Variants in PLA2G4C observed in about 807,000 individuals in gnomAD.
PLA2G4C encodes cytosolic phospholipase A2 gamma.
Under a neutral mutation model 73.8 loss-of-function variants are expected in PLA2G4C, and 64 were observed. The ratio of observed to expected loss-of-function variants is 0.87; its 90% confidence interval spans 0.71 to 1.07. The LOEUF (loss-of-function observed/expected upper bound fraction) is 1.07, where lower values mean the gene tolerates loss of function less well. Ranked by LOEUF, PLA2G4C falls within the 50% of genes least tolerant of loss-of-function variation. The probability of loss-of-function intolerance (pLI) is 0.00; values close to 1 mark genes in which losing one functional copy is unlikely to be tolerated. For synonymous variants in PLA2G4C, 254 were observed against 252.1 expected (o/e 1.01, Z -0.07); for missense variants, 622 against 665.4 (o/e 0.93, Z 0.72).
At chr19:48,105,928 TC>T (rs1568457479) in intron 2 of PLA2G4C, among the ~76,000 whole-genome samples, 7 of 26,260 alleles carry the variant, frequency 2.7e-4, no homozygotes, top group African/African-American at 5.5e-4. Flanking sequence ...CCTCCCTCCC[TC>T]CCTCCCTCCC....
At position 48,055,014 on chromosome 19, in the gene PLA2G4C, G is replaced by T; in HGVS notation, c.1293C>A (p.His431Gln). The T allele has an allele frequency of 1.9e-6, 3 of 1,613,020 alleles. No individual in the cohort carries two copies. The highest frequency in any genetic ancestry group is 2.5e-6 in the Non-Finnish European group (3 of 1,179,730). The change falls in exon 15 of 17, where the codon CAC becomes CAA. Residue 431 changes from histidine to glutamine, a missense_variant. By Grantham distance (24) the His-to-Gln change is conservative (BLOSUM62 0). Transcript: ENST00000599921. The stretch of plus-strand genomic sequence containing the variant: ...CTTCTACTTGGGGAAAGGGGATCTT[G>T]TGGCGGCGGCAGTAGTCAGTGGTAG... ...IRATTDYCRR[H>Q]KIPFPQVEEA...
In PLA2G4C at chr19:48,078,921, G is replaced by A. The variant is rs1276358003; in HGVS notation, c.845-1097C>T. ...GTCTCGCTCTGTTGCCCAGGCTGGAGTGCAATGGCCAATTTTGGCTCACTG... is the reference window on the plus strand; with the variant it reads ...GTCTCGCTCTGTTGCCCAGGCTGGAATGCAATGGCCAATTTTGGCTCACTG... On this transcript the variant is annotated intron_variant, in intron 10 of 16. Transcript: ENST00000599921. Among the ~76,000 whole-genome samples, 3 of 149,362 alleles carry A rather than the reference G, an allele frequency of 2.0e-5. No individual in the cohort carries two copies. The Admixed American group carries it at 2.0e-4, about 10-fold the overall frequency.
intron 10 of PLA2G4C, among the ~76,000 whole-genome samples, chr19:48,084,079 T>A (rs182731687): frequency 0.028 from 4,158 of 146,034 alleles, 156 homozygotes; most frequent in African/African-American, 0.089. Flanking sequence ...TGTGTGTGTG[T>A]GATGGAGTCT....
At chr19:48,084,738 C>T (rs185620247) in intron 10 of PLA2G4C, among the ~76,000 whole-genome samples, 50 of 152,304 alleles carry the variant, frequency 3.3e-4, no homozygotes, top group Admixed American at 6.5e-5. Flanking sequence ...TCATTTAATC[C>T]TCATAACTAC....
At chr19:48,051,652 A>G (rs1967730149) in intron 16 of PLA2G4C, 1 of 151,982 alleles carries the variant, frequency 6.6e-6, no homozygotes, top group Non-Finnish European at 1.5e-5. Flanking sequence ...AGAACAGCAT[A>G]AGGGAAGCCA....
rs1005952267 is a variant in PLA2G4C at position 48,089,873 on chromosome 19, G to A, written c.763+491C>T. On this transcript the variant is annotated intron_variant, in intron 8 of 16. Transcript: ENST00000599921. ...CTGACCAGCAGTGTGGGTGAGTCAC[G>A]CATCCTTCCCACGACTTGGTGGATC... Among the ~76,000 whole-genome samples, 3 of 152,110 alleles carry A rather than the reference G, an allele frequency of 2.0e-5. No individual in the cohort carries two copies. In the East Asian group the frequency reaches 5.8e-4, roughly 29 times the overall value.
At position 48,106,504 on chromosome 19, in the gene PLA2G4C, A is replaced by G. The variant is rs550714121; in HGVS notation, c.8+18T>C. ...AATGCTCTGCTTCCCCATAGTGGTC[A>G]GCTCTAAGAGGACTTACCTTCCCAT... On this transcript the variant is annotated intron_variant, in intron 2 of 16. Coordinates refer to ENST00000599921, the MANE Select transcript of PLA2G4C (RefSeq NM_003706.3). 2 of 1,591,768 alleles carry G rather than the reference A, an allele frequency of 1.3e-6. No individual in the cohort carries two copies. The highest frequency in any genetic ancestry group is 2.2e-5 in the South Asian group (2 of 90,604).
At chr19:48,082,549 A>G (rs1398807087) in intron 10 of PLA2G4C, among the ~76,000 whole-genome samples, 8 of 120,236 alleles carry the variant, frequency 6.7e-5, no homozygotes, top group African/African-American at 2.6e-4. Context: ...CCCAGCCTGG[A>G]GTATAGTGGT....
intron 10 of PLA2G4C, among the ~76,000 whole-genome samples, chr19:48,079,416 G>T (rs964680586): frequency 2.0e-5 from 3 of 152,060 alleles, no homozygotes; most frequent in Non-Finnish European, 4.4e-5. Context: ...AACATAAAGT[G>T]GGGGAAAGGA....
At chr19:48,090,784 C>A (rs393412) in intron 7 of PLA2G4C, among the ~76,000 whole-genome samples, 14,154 of 152,114 alleles carry the variant, frequency 0.093, 1,408 homozygotes, top group African/African-American at 0.25. Flanking sequence ...AGCTAGGGGA[C>A]GGTCAAGCTC....
intron 4 of PLA2G4C, among the ~76,000 whole-genome samples, chr19:48,103,797 T>C (rs2032031904): frequency 6.6e-6 from 1 of 152,190 alleles, no homozygotes; most frequent in African/African-American, 2.4e-5. Flanking sequence ...CAGAAGGTAG[T>C]ATTATTATGC....
chr19:48,107,178 G>C (rs547121372), intron 1 of PLA2G4C, among the ~76,000 whole-genome samples: 1 of 147,660 alleles, frequency 6.8e-6, no homozygotes, highest in African/African-American at 2.6e-5. Flanking sequence ...ACTTTGGTGG[G>C]CAAGGGGCTG....
At chr19:48,075,647 G>A (rs1051266871) in intron 11 of PLA2G4C, among the ~76,000 whole-genome samples, 5 of 152,194 alleles carry the variant, frequency 3.3e-5, no homozygotes, top group East Asian at 3.9e-4. Context: ...AACCTTCACC[G>A]CATTCCTTGG....
chr19:48,085,205 T>C (rs2030904822), intron 9 of PLA2G4C, 93 bp from the exon 10 acceptor site: 4 of 806,146 alleles, frequency 5.0e-6, no homozygotes, highest in Non-Finnish European at 8.6e-6. Flanking sequence ...CATAAAGCAC[T>C]GCAGGGATCT....
chr19:48,061,788 C>G (rs769963810), intron 14 of PLA2G4C: 1 of 567,398 alleles, frequency 1.8e-6, no homozygotes, highest in Non-Finnish European at 3.2e-6. Context: ...CCGGGAAGGT[C>G]TGGGATGGCT....
At chr19:48,109,330 G>C (rs1384750661) in intron 1 of PLA2G4C, among the ~76,000 whole-genome samples, 3 of 152,010 alleles carry the variant, frequency 2.0e-5, no homozygotes, top group Non-Finnish European at 4.4e-5. Context: ...GGAGTGCAGT[G>C]GTGTGATCGT....
intron 13 of PLA2G4C, among the ~76,000 whole-genome samples, chr19:48,066,390 T>C (rs1193390203): frequency 6.6e-6 from 1 of 152,126 alleles, no homozygotes; most frequent in Non-Finnish European, 1.5e-5. Flanking sequence ...CATGATCCAG[T>C]GACTTGATGC....
In PLA2G4C at chr19:48,053,058, C is replaced by G; in HGVS notation, c.1519G>C (p.Ala507Pro). ...TTGTTTTCCCTGACATTCTTCTTGG[C>G]TAATGCCAAGAGTAGCACCACCACA... ...LDVVVLLLALAKKNVRENKKK... is the reference protein window; with the variant it reads ...LDVVVLLLALPKKNVRENKKK... The change falls in exon 16 of 17, where the codon GCC (alanine) becomes CCC (proline). Residue 507 changes from alanine to proline, a missense_variant. By Grantham distance (27) the Ala-to-Pro change is conservative. Coordinates refer to ENST00000599921, the MANE Select transcript of PLA2G4C (RefSeq NM_003706.3). 6.2e-7 allele frequency: 1 copy of G among 1,613,626 alleles called. No individual in the cohort carries two copies. The highest frequency in any genetic ancestry group is 1.1e-5 in the South Asian group (1 of 91,022).
At chr19:48,097,759 A>C in intron 6 of PLA2G4C, 1 of 167,012 alleles carries the variant, frequency 6.0e-6, no homozygotes, top group Non-Finnish European at 1.3e-5. Context: ...TGGCTAATTT[A>C]TTGTGTTTTT....
Sources: gnomAD v4.1 joint callset for allele counts (sites outside exome capture counted in the v4.1 genomes callset) on GRCh38, gnomAD v4.1.1 for gene constraint, MANE v1.5 for transcripts, NCBI Gene and HGNC (gene_info 2026-07-23, HGNC 2026-07-21) for gene names.